Variants in DMGDH observed in about 807,000 individuals in gnomAD.
DMGDH encodes the protein dimethylglycine dehydrogenase, mitochondrial.
Under a neutral mutation model 95.2 loss-of-function variants are expected in DMGDH, and 76 were observed. That is an observed-to-expected ratio of 0.80 (90% CI 0.66 to 0.97). The LOEUF (loss-of-function observed/expected upper bound fraction) is 0.97. Ranked by LOEUF, DMGDH falls within the 50% of genes least tolerant of loss-of-function variation. DMGDH has a pLI of 0.00. For synonymous variants in DMGDH, 345 were observed against 377.6 expected, an observed-to-expected ratio of 0.91 and a Z score of 1.00; for missense variants, 987 against 1,055.0, an observed-to-expected ratio of 0.94 and a Z score of 0.89.
chr5:79,021,161 G>C (rs1053942879), intron 14 of DMGDH: 1 of 987,528 alleles, frequency 1.0e-6, no homozygotes, highest in Non-Finnish European at 1.2e-6. Context: ...TTTGGTCAAG[G>C]CTTCCTGAAG....
At chr5:79,063,001 A>G (rs1755254550) in intron 2 of DMGDH, among the ~76,000 whole-genome samples, 1 of 152,190 alleles carries the variant, frequency 6.6e-6, no homozygotes, top group African/African-American at 2.4e-5. Flanking sequence ...CTGAGGCAAG[A>G]GAATCGCTTG....
At chr5:79,032,891 A>G in intron 8 of DMGDH, 51 bp from the exon 9 acceptor site, 1 of 1,604,526 alleles carries the variant, frequency 6.2e-7, no homozygotes, top group East Asian at 2.2e-5. Flanking sequence ...AAACAACAAG[A>G]TACTTACATG....
chr5:79,060,940 G>A (rs531285132), intron 2 of DMGDH, among the ~76,000 whole-genome samples: 26 of 147,966 alleles, frequency 1.8e-4, no homozygotes, highest in African/African-American at 5.0e-4. Flanking sequence ...AAATCAATGC[G>A]GCCAGGCTTA....
chr5:79,042,354 A>C lies in DMGDH; in HGVS notation c.1122T>G (p.Tyr374Ter). ...IINVVNGPIT[Y>*]SPDILPMVGP... ...CCACCATAGGCAGAATGTCAGGAGAATACGTGATAGGACCATTGACAACAT... is the reference window on the plus strand; with the variant it reads ...CCACCATAGGCAGAATGTCAGGAGACTACGTGATAGGACCATTGACAACAT... Residue 374 changes from tyrosine (Y) to a stop codon, truncating the protein, a stop_gained, in exon 7 of 16, where the codon TAT becomes TAG. Transcript: ENST00000255189. LOFTEE classifies it high-confidence loss of function. The C allele has an allele frequency of 6.2e-7, 1 of 1,614,236 alleles. No homozygotes were observed. The highest frequency in any genetic ancestry group is 8.5e-7 in the Non-Finnish European group (1 of 1,180,034).
At chr5:79,011,461 G>A (rs1005494673) in intron 14 of DMGDH, among the ~76,000 whole-genome samples, 26 of 152,260 alleles carry the variant, frequency 1.7e-4, no homozygotes, top group African/African-American at 6.3e-4. Flanking sequence ...ATAGCAAAAT[G>A]TTAAATTATT....
At chr5:79,035,523 C>T (rs1057177971) in intron 7 of DMGDH, among the ~76,000 whole-genome samples, 15 of 152,206 alleles carry the variant, frequency 9.9e-5, no homozygotes, top group South Asian at 4.1e-4. Flanking sequence ...TCCTTGTTAT[C>T]GGACTTTCCT....
chr5:79,021,761 A>G, intron 14 of DMGDH: 1 of 1,242,324 alleles, frequency 8.0e-7, no homozygotes, highest in Middle Eastern at 2.2e-4. Context: ...CATACAAACA[A>G]TATATGTTAC....
Position 79,033,255 on chromosome 5 carries a change from A to G in DMGDH, c.1347T>C (p.Tyr449=), listed in dbSNP as rs1004141520. 1 of 1,614,174 alleles carries G rather than the reference A, an allele frequency of 6.2e-7. No homozygotes were observed. The highest frequency in any genetic ancestry group is 1.7e-5 in the Admixed American group (1 of 60,030). Residue 449 remains tyrosine (Y), a synonymous_variant, in exon 8 of 16, where the codon TAT becomes TAC. Transcript: ENST00000255189. ...QYTEAKARES[Y]GFNNIVGYPK... ...GTACCTTACCAATATTGTTGAATCC[A>G]TATGATTCTCTTGCTTTGGCCTCAG... is the stretch of plus-strand genomic sequence containing the variant.
In DMGDH at chr5:79,032,922, C is replaced by T. The variant is rs1024251361; in HGVS notation, c.1364-82G>A. On this transcript the variant is annotated intron_variant, in intron 8 of 15. Coordinates refer to ENST00000255189, the MANE Select transcript of DMGDH (RefSeq NM_013391.3). ...ACATGGGATTCCAAATATGGAAATA[C>T]AGTACTTAAAATCCAGATGCATAAA... 3.9e-6 allele frequency: 6 copies of T among 1,543,438 alleles called. No individual in the cohort carries two copies. The African/African-American group carries it at 6.8e-5, about 17-fold the overall frequency.
At chr5:79,068,074 C>T (rs1463682502) in intron 1 of DMGDH, among the ~76,000 whole-genome samples, 10 of 152,082 alleles carry the variant, frequency 6.6e-5, no homozygotes, top group Non-Finnish European at 1.5e-4. Flanking sequence ...CACACCATGA[C>T]ACCCAGTTAA....
intron 14 of DMGDH, among the ~76,000 whole-genome samples, chr5:79,006,076 G>A (rs190712377): frequency 1.2e-4 from 17 of 143,218 alleles, no homozygotes; most frequent in African/African-American, 1.5e-4. Context: ...TACTTCTTCC[G>A]TGCAACACAT....
chr5:79,052,150 G>C (rs1178686526), intron 4 of DMGDH, among the ~76,000 whole-genome samples: 1 of 152,150 alleles, frequency 6.6e-6, no homozygotes, highest in Non-Finnish European at 1.5e-5. Context: ...CTGCATTCCT[G>C]GAATACATTC....
At chr5:79,066,551 C>T (rs549111716) in intron 1 of DMGDH, among the ~76,000 whole-genome samples, 1 of 151,966 alleles carries the variant, frequency 6.6e-6, no homozygotes, top group Non-Finnish European at 1.5e-5. Context: ...GCCTCAGCCT[C>T]CCAAAGTGCT....
At chr5:79,040,424 G>A (rs566074473) in intron 7 of DMGDH, among the ~76,000 whole-genome samples, 4 of 152,260 alleles carry the variant, frequency 2.6e-5, no homozygotes, top group African/African-American at 9.6e-5. Context: ...GACTAAAGTT[G>A]GACACCTACC....
Position 79,018,665 on chromosome 5 carries a change from T to C in DMGDH, c.2250+5606A>G, listed in dbSNP as rs146106663. ...TTGCTTACTTTAAATATGTCAATTA[T>C]TGCATGTTCAAATACACTTAAAATA... On this transcript the variant is annotated intron_variant, in intron 14 of 15. Coordinates refer to ENST00000255189, the MANE Select transcript of DMGDH (RefSeq NM_013391.3). Among the ~76,000 whole-genome samples, 65 of 152,264 alleles carry C rather than the reference T, an allele frequency of 4.3e-4. No individual in the cohort carries two copies. The East Asian group carries it at 0.012, about 28-fold the overall frequency.
intron 15 of DMGDH, among the ~76,000 whole-genome samples, chr5:78,998,634 G>A (rs908786234): frequency 6.6e-6 from 1 of 152,192 alleles, no homozygotes; most frequent in Non-Finnish European, 1.5e-5. Flanking sequence ...CGGATCATTT[G>A]AGGTCAGGAG....
chr5:79,066,526 C>T (rs927920192), intron 1 of DMGDH, among the ~76,000 whole-genome samples: 1 of 150,660 alleles, frequency 6.6e-6, no homozygotes, highest in Non-Finnish European at 1.5e-5. Context: ...GATCTCCTGA[C>T]CTCGTGATCC....
chr5:79,003,365 G>T (rs897075911), intron 15 of DMGDH, among the ~76,000 whole-genome samples: 5 of 152,200 alleles, frequency 3.3e-5, no homozygotes, highest in African/African-American at 1.2e-4. Context: ...CTGGTTATAA[G>T]TATAAATCAT....
intron 2 of DMGDH, among the ~76,000 whole-genome samples, chr5:79,060,565 T>C (rs1755170827): frequency 6.6e-6 from 1 of 152,158 alleles, no homozygotes; most frequent in African/African-American, 2.4e-5. Context: ...CTGCCTCTTG[T>C]TAGCTGGCTC....
Sources: allele counts gnomAD v4.1 joint callset (sites outside exome capture counted in the v4.1 genomes callset), GRCh38; gene constraint gnomAD v4.1.1; transcripts MANE v1.5; gene names NCBI Gene and HGNC (gene_info 2026-07-23, HGNC 2026-07-21).